DPP10: variants seen among roughly 807,000 people sequenced by gnomAD.
DPP10 encodes the protein dipeptidyl peptidase like 10.
Under a neutral mutation model 120.9 loss-of-function variants are expected in DPP10, and 33 were observed. The observed-to-expected ratio is 0.27, with a 90% CI of 0.21 to 0.37. The LOEUF (loss-of-function observed/expected upper bound fraction) is 0.37, where lower values mean the gene tolerates loss of function less well. Among genes scored for constraint, DPP10 ranks in the 10% least tolerant of loss-of-function variants. The pLI, the probability that DPP10 is intolerant of heterozygous loss-of-function variation, is 1.00. For missense variants in DPP10, 816 were observed against 942.8 expected (o/e 0.87, Z 1.76); for synonymous variants, 337 against 326.1 (o/e 1.03, Z -0.36).
chr2:114,862,035 A>C (rs968151159), intron 1 of DPP10, among the ~76,000 whole-genome samples: 2 of 152,212 alleles, frequency 1.3e-5, no homozygotes, highest in Non-Finnish European at 2.9e-5. Flanking sequence ...TAATATTTTC[A>C]TCATCAGCCC....
intron 1 of DPP10, among the ~76,000 whole-genome samples, chr2:114,741,200 C>G (rs1464084878): frequency 6.6e-6 from 1 of 152,178 alleles, no homozygotes; most frequent in Non-Finnish European, 1.5e-5. Flanking sequence ...ATCTGTCTAC[C>G]AAAGCTACTT....
At chr2:115,002,998 T>C (rs1223132166) in intron 1 of DPP10, among the ~76,000 whole-genome samples, 1 of 151,912 alleles carries the variant, frequency 6.6e-6, no homozygotes, top group East Asian at 1.9e-4. Context: ...TGACCCAGCA[T>C]TCTCATTACT....
intron 1 of DPP10, among the ~76,000 whole-genome samples, chr2:115,042,147 T>C (rs1393914882): frequency 6.6e-6 from 1 of 151,784 alleles, no homozygotes; most frequent in Admixed American, 6.6e-5. Context: ...ATCTGTAAAA[T>C]GGATAAAACA....
At chr2:114,820,904 T>C (rs755087654) in intron 1 of DPP10, among the ~76,000 whole-genome samples, 5 of 152,188 alleles carry the variant, frequency 3.3e-5, no homozygotes, top group Non-Finnish European at 5.9e-5. Flanking sequence ...ATGTCTCCGA[T>C]GAGTGGAGGA....
intron 1 of DPP10, among the ~76,000 whole-genome samples, chr2:114,657,724 G>A (rs745380131): frequency 2.6e-5 from 4 of 152,126 alleles, no homozygotes; most frequent in Admixed American, 6.6e-5. Flanking sequence ...AGTAGCATAC[G>A]TGAAAAAATT....
chr2:114,611,888 T>C (rs1187745791), intron 1 of DPP10, among the ~76,000 whole-genome samples: 1 of 152,148 alleles, frequency 6.6e-6, no homozygotes, highest in Non-Finnish European at 1.5e-5. Flanking sequence ...TCTAGGAAAG[T>C]CATTAAAAAT....
intron 1 of DPP10, among the ~76,000 whole-genome samples, chr2:114,871,400 C>T (rs1268888079): frequency 6.6e-6 from 1 of 152,076 alleles, no homozygotes; most frequent in African/African-American, 2.4e-5. Context: ...TAGGTTGGTG[C>T]ACAAGTAATT....
chr2:114,462,322 TACTTTATTTA>T (rs1208690302), intron 1 of DPP10, among the ~76,000 whole-genome samples: 1 of 152,192 alleles, frequency 6.6e-6, no homozygotes, highest in African/African-American at 2.4e-5. Context: ...CTAAACTCCA[TACTTTATTTA>T]ACTTTATTAC....
chr2:115,237,998 T>C (rs1305507614), intron 1 of DPP10, among the ~76,000 whole-genome samples: 1 of 152,182 alleles, frequency 6.6e-6, no homozygotes, highest in Non-Finnish European at 1.5e-5. Flanking sequence ...AGATCATTGC[T>C]GAAGTTGGCC....
chr2:114,929,046 C>T (rs926126085), intron 1 of DPP10, among the ~76,000 whole-genome samples: 1 of 152,164 alleles, frequency 6.6e-6, no homozygotes, highest in Non-Finnish European at 1.5e-5. Flanking sequence ...ACAGCTGGGC[C>T]TCCAGGGGTA....
chr2:115,203,669 G>A (rs1297845548), intron 1 of DPP10, among the ~76,000 whole-genome samples: 1 of 151,990 alleles, frequency 6.6e-6, no homozygotes, highest in Non-Finnish European at 1.5e-5. Flanking sequence ...ATAGACACAT[G>A]CACACAAATC....
At chr2:115,681,167 A>G (rs563120582) in intron 5 of DPP10, among the ~76,000 whole-genome samples, 1 of 125,968 alleles carries the variant, frequency 7.9e-6, no homozygotes, top group African/African-American at 2.9e-5. Flanking sequence ...ATCAAAATGT[A>G]AAATGTGCAT....
intron 1 of DPP10, among the ~76,000 whole-genome samples, chr2:115,220,135 G>C (rs565148945): frequency 3.2e-4 from 48 of 152,212 alleles, no homozygotes; most frequent in African/African-American, 1.0e-3. Context: ...AGATTTAGTT[G>C]CCTGTTTTCC....
At chr2:114,998,257 C>T (rs1013673728) in intron 1 of DPP10, among the ~76,000 whole-genome samples, 7 of 152,124 alleles carry the variant, frequency 4.6e-5, no homozygotes, top group Non-Finnish European at 1.0e-4. Flanking sequence ...TAAAGGACCT[C>T]GGACTTCCAA....
intron 1 of DPP10, among the ~76,000 whole-genome samples, chr2:115,192,870 A>AAAATAAATTTTAATTTATTTTAATTAATT (rs1402780386): frequency 2.0e-5 from 3 of 151,536 alleles, no homozygotes; most frequent in East Asian, 3.9e-4. Context: ...ATAAAAAATT[A>AAAATAAATTTTAATTTATTTTAATTAATT]AAATAAATTT....
rs914281568 is a variant in DPP10 at position 114,500,337 on chromosome 2, C to T, written c.60+57499C>T. Among the ~76,000 whole-genome samples the T allele has an allele frequency of 2.6e-5, 4 of 152,208 alleles. No homozygotes were observed. In the East Asian group the frequency reaches 7.7e-4, roughly 29 times the overall value. On this transcript the variant is annotated intron_variant, in intron 1 of 25. Transcript: ENST00000410059. The stretch of plus-strand genomic sequence containing the variant: ...TGCGGAATTAGGTCTACATGTAATA[C>T]ACATTTACCCACATGATGAAATAAG...
chr2:115,453,904 A>G (rs553002346), intron 3 of DPP10, among the ~76,000 whole-genome samples: 18 of 151,554 alleles, frequency 1.2e-4, no homozygotes, highest in East Asian at 1.9e-4. Flanking sequence ...CTGACAATGA[A>G]AGAGATGACA....
chr2:115,829,132 C>G (rs1242309307), intron 21 of DPP10, among the ~76,000 whole-genome samples: 1 of 151,998 alleles, frequency 6.6e-6, no homozygotes, highest in Non-Finnish European at 1.5e-5. Context: ...TTTAGATGTC[C>G]TGTTTCTATC....
At chr2:115,643,845 C>T (rs982810662) in intron 5 of DPP10, among the ~76,000 whole-genome samples, 4 of 152,152 alleles carry the variant, frequency 2.6e-5, no homozygotes, top group African/African-American at 7.2e-5. Context: ...TATGCTGTCA[C>T]TGTTTAGGGC....
Sources: gnomAD v4.1 joint callset for allele counts (sites outside exome capture counted in the v4.1 genomes callset) on GRCh38, gnomAD v4.1.1 for gene constraint, MANE v1.5 for transcripts, NCBI Gene and HGNC (gene_info 2026-07-23, HGNC 2026-07-21) for gene names.